SLC4A9: variants seen among roughly 807,000 people sequenced by gnomAD.
The protein encoded by SLC4A9 is solute carrier family 4 member 9, also known as anion exchange protein 4.
SLC4A9 carries 102 observed loss-of-function variants against 103.2 expected under a neutral mutation model. The observed-to-expected ratio is 0.99, with a 90% CI of 0.84 to 1.17. The LOEUF is 1.17. Ranked by LOEUF, SLC4A9 falls within the 50% of genes most tolerant of loss-of-function variation. SLC4A9 has a pLI of 0.00. For missense variants in SLC4A9, 1,091 were observed against 1,193.7 expected (o/e 0.91, Z 1.27); for synonymous variants, 453 against 483.6 (o/e 0.94, Z 0.83).
Position 140,361,868 on chromosome 5 carries a change from G to C in SLC4A9, c.561+5G>C, listed in dbSNP as rs1250163801. The C allele has an allele frequency of 6.2e-7, 1 of 1,613,792 alleles. No homozygotes were observed. Among genetic ancestry groups the C allele is most frequent in the East Asian group, 2.2e-5 (1 of 44,872 alleles). On this transcript the variant is annotated splice_donor_5th_base_variant and intron_variant, in intron 4 of 21. Coordinates refer to ENST00000506757, the MANE Select transcript of SLC4A9 (RefSeq NM_031467.3). ...GAAGCCCCCCTGAGGGAACAGGTTT[G>C]TGGCCCTTCCTTGGGGTCCCTTTCC...
rs1767045142 is a variant in SLC4A9 at position 140,361,309 on chromosome 5, C to G, written c.447C>G (p.Ala149=). Residue 149 remains alanine (A), a synonymous_variant, in exon 3 of 22, where the codon GCC becomes GCG. Transcript: ENST00000506757. ...CAGAGCTGAGAGGGCAGTTGCAGGC[C>G]TTGCTGCTGCAGAGACCCCAGCATT... ...LSPELRGQLQ[A]LLLQRPQHYN... 1 of 1,570,788 alleles carries G rather than the reference C, an allele frequency of 6.4e-7. No individual in the cohort carries two copies. Among genetic ancestry groups the G allele is most frequent in the Non-Finnish European group, 8.6e-7 (1 of 1,157,964 alleles).
rs1464627543 is a variant in SLC4A9 at position 140,363,523 on chromosome 5, C to T, written c.1047C>T (p.His349=). 1.9e-6 allele frequency: 3 copies of T among 1,552,556 alleles called. No homozygotes were observed. The highest frequency in any genetic ancestry group is 2.4e-5 in the East Asian group (1 of 40,996). The change falls in exon 8 of 22, where the codon CAC becomes CAT. Residue 349 remains histidine (H), a synonymous_variant. Coordinates refer to ENST00000506757, the MANE Select transcript of SLC4A9 (RefSeq NM_031467.3). This position sits in a 1 kb window ranked among gnomAD's most constrained non-coding sequence, Gnocchi z 4.5. ...SAEDRHRHGP[H]AHSPELQRTG... ...AGGACAGGCACCGCCATGGGCCACA[C>T]GCACACAGCCCGGAGTTGCAGCGGA...
intron 17 of SLC4A9, among the ~76,000 whole-genome samples, chr5:140,370,191 C>T (rs747468717): frequency 2.0e-5 from 3 of 150,890 alleles, no homozygotes; most frequent in Non-Finnish European, 3.0e-5. Flanking sequence ...AAGCCAGGCA[C>T]GGTGGCTCAC....
chr5:140,366,214 G>A lies in SLC4A9; in HGVS notation c.1963G>A (p.Ala655Thr). ...CATCCTGCTCGGCTGTGGCCTTGAT[G>A]CTTTCCTGGGCCTAGCCACACCAAA... ...LAILLGCGLD[A>T]FLGLATPKLM... is the part of the protein sequence containing the mutation. Residue 655 changes from alanine (A) to threonine (T), a missense_variant, in exon 14 of 22, where the codon GCT (alanine) becomes ACT (threonine). Transcript: ENST00000506757. 1 of 1,608,024 alleles carries A rather than the reference G, an allele frequency of 6.2e-7. No homozygotes were observed. The highest frequency in any genetic ancestry group is 2.2e-5 in the East Asian group (1 of 44,722).
chr5:140,361,492 C>A lies in SLC4A9; in HGVS notation c.505+125C>A, dbSNP rs1221544875. 6 of 744,466 alleles carry A rather than the reference C, an allele frequency of 8.1e-6. No homozygotes were observed. The Admixed American group carries it at 8.7e-5, about 11-fold the overall frequency. The allele number at this position is 744,466 out of a possible 1,614,324, so 46.1% of individuals were successfully genotyped here. ...CAGGCTCCAACCCAGGACTCATGAG[C>A]AAGAGGAAACTGGTGGTAATGTTGT... On this transcript the variant is annotated intron_variant, in intron 3 of 21. Transcript: ENST00000506757.
chr5:140,372,597 G>T, intron 20 of SLC4A9, 148 bp from the exon 21 acceptor site: 1 of 1,439,200 alleles, frequency 6.9e-7, no homozygotes, highest in Non-Finnish European at 9.1e-7. Context: ...CTCGATGTGG[G>T]TGGAAAGGGC....
Position 140,363,826 on chromosome 5 carries a change from T to G in SLC4A9, c.1178T>G (p.Leu393Arg). 6.2e-7 allele frequency: 1 copy of G among 1,613,978 alleles called. No homozygotes were observed. Among genetic ancestry groups the G allele is most frequent in the Non-Finnish European group, 8.5e-7 (1 of 1,179,868 alleles). Residue 393 changes from leucine to arginine, a missense_variant, in exon 9 of 22, where the codon CTC becomes CGC. Coordinates refer to ENST00000506757, the MANE Select transcript of SLC4A9 (RefSeq NM_031467.3). The surrounding 1 kb of genome is among the most constrained non-coding windows in gnomAD (Gnocchi z 4.5). ...CATCTCCAGTGCTTCTCGGCCGTAC[T>G]CTACATTTACCTGGCCACTGTCACT... The part of the protein sequence containing the change: ...ALHLQCFSAV[L>R]YIYLATVTNA...
chr5:140,374,370 G>T (rs1769181084), intron 21 of SLC4A9, among the ~76,000 whole-genome samples: 1 of 151,802 alleles, frequency 6.6e-6, no homozygotes, highest in African/African-American at 2.4e-5. Flanking sequence ...GATCAGCCTG[G>T]CCAACATGGT....
chr5:140,366,295 A>G, intron 14 of SLC4A9, 31 bp downstream of exon 14: 1 of 1,502,238 alleles, frequency 6.7e-7, no homozygotes, highest in Non-Finnish European at 9.1e-7. Flanking sequence ...TTGGGGGACC[A>G]GAGGGGAAAG....
At position 140,363,071 on chromosome 5, in the gene SLC4A9, C is replaced by G. The variant is rs934124703; in HGVS notation, c.962+5C>G. 1.7e-5 allele frequency: 27 copies of G among 1,612,742 alleles called. No homozygotes were observed. The highest frequency in any genetic ancestry group is 2.3e-5 in the Non-Finnish European group (27 of 1,179,614). ...TCTGCCATCTCAGCACAAAAGGTAC[C>G]TGGGAGCCATCATCCCATACAGATT... On this transcript the variant is annotated splice_donor_5th_base_variant and intron_variant, in intron 7 of 21. Transcript: ENST00000506757. This position sits in a 1 kb window ranked among gnomAD's most constrained non-coding sequence, Gnocchi z 4.5.
At chr5:140,373,723 T>C (rs999012164) in intron 21 of SLC4A9, among the ~76,000 whole-genome samples, 1 of 152,134 alleles carries the variant, frequency 6.6e-6, no homozygotes. Context: ...AGCTGTAGTG[T>C]GCAATAATCA....
intron 11 of SLC4A9, among the ~76,000 whole-genome samples, chr5:140,364,834 A>G (rs1346696723): frequency 6.6e-6 from 1 of 152,260 alleles, no homozygotes; most frequent in Non-Finnish European, 1.5e-5. Context: ...GACAACACTG[A>G]TAAAGGAACA....
At position 140,372,740 on chromosome 5, in the gene SLC4A9, C is replaced by A; in HGVS notation, c.2827-5C>A. 6.4e-7 allele frequency: 1 copy of A among 1,572,922 alleles called. No individual in the cohort carries two copies. Among genetic ancestry groups the A allele is most frequent in the East Asian group, 2.3e-5 (1 of 43,638 alleles). On this transcript the variant is annotated splice_region_variant and splice_polypyrimidine_tract_variant and intron_variant, in intron 20 of 21. Transcript: ENST00000506757. ...TCAATCCATCTTGGGATCTGTCTTCCACAGTCAGAGCTGATGTATCAGCCA... is the reference window on the plus strand; with the variant it reads ...TCAATCCATCTTGGGATCTGTCTTCAACAGTCAGAGCTGATGTATCAGCCA...
At position 140,372,802 on chromosome 5, in the gene SLC4A9, G is replaced by T; in HGVS notation, c.*4G>T. 6.4e-7 allele frequency: 1 copy of T among 1,565,004 alleles called. No homozygotes were observed. Among genetic ancestry groups the T allele is most frequent in the South Asian group, 1.2e-5 (1 of 84,718 alleles). The stretch of plus-strand genomic sequence containing the variant: ...AATCAACATTTCTGTGAATTAGCTG[G>T]AGTAGGAGTCTGGGAGTGGAGACCC... On this transcript the variant is annotated 3_prime_UTR_variant, in exon 21 of 22. Coordinates refer to ENST00000506757, the MANE Select transcript of SLC4A9 (RefSeq NM_031467.3).
Position 140,364,599 on chromosome 5 carries a change from G to A in SLC4A9, c.1625G>A (p.Cys542Tyr). The A allele has an allele frequency of 6.2e-7, 1 of 1,601,388 alleles. No homozygotes were observed. The highest frequency in any genetic ancestry group is 1.1e-5 in the South Asian group (1 of 88,958). The part of the protein sequence containing the change: ...IQKPGSSAYG[C>Y]LCQYPGPGGN... Reference sequence around the variant, plus strand: ...AAGCCTGGGTCCTCTGCCTACGGGTGCCTCTGCCAATACCCAGGCCCAGGA... The same window carrying A: ...AAGCCTGGGTCCTCTGCCTACGGGTACCTCTGCCAATACCCAGGCCCAGGA... Residue 542 changes from cysteine (C) to tyrosine (Y), a missense_variant, in exon 11 of 22, where the codon TGC becomes TAC. Cys to Tyr is a radical substitution (Grantham distance 194, BLOSUM62 -2). Transcript: ENST00000506757.
chr5:140,374,601 A>G (rs1255190361), intron 21 of SLC4A9, among the ~76,000 whole-genome samples: 1 of 151,086 alleles, frequency 6.6e-6, no homozygotes, highest in Non-Finnish European at 1.5e-5. Flanking sequence ...TGACACTTGC[A>G]ATGGGAAATT....
chr5:140,367,542 C>G lies in SLC4A9; in HGVS notation c.2136C>G (p.Ile712Met). ...LSILIFMDQQ[I>M]TAVILNRMEY... ...TCCTCATCTTCATGGACCAACAGAT[C>G]ACAGCAGTCATCCTCAACCGCATGG... The change falls in exon 15 of 22, where the codon ATC (isoleucine) becomes ATG (methionine). Residue 712 changes from isoleucine (I) to methionine (M), a missense_variant. Physicochemically the swap from Ile to Met is conservative, Grantham distance 10. Transcript: ENST00000506757. 1.2e-6 allele frequency: 2 copies of G among 1,603,518 alleles called. No homozygotes were observed. Among genetic ancestry groups the G allele is most frequent in the Non-Finnish European group, 1.7e-6 (2 of 1,175,222 alleles).
At chr5:140,366,350 C>G in intron 14 of SLC4A9, 86 bp downstream of exon 14, 1 of 854,508 alleles carries the variant, frequency 1.2e-6, no homozygotes, top group Non-Finnish European at 1.8e-6. Context: ...AAATCCCACA[C>G]TTCTCTAAGC....
intron 11 of SLC4A9, 142 bp from the exon 12 acceptor site, chr5:140,365,378 C>G: frequency 1.5e-6 from 1 of 681,616 alleles, no homozygotes; most frequent in Non-Finnish European, 2.6e-6. Flanking sequence ...TTCTCGCACA[C>G]TTGGTAGTGA....
Sources: gnomAD v4.1 joint callset for allele counts (sites outside exome capture counted in the v4.1 genomes callset) on GRCh38, gnomAD v4.1.1 for gene constraint, Gnocchi (gnomAD v3.1) non-coding constraint, MANE v1.5 for transcripts, NCBI Gene and HGNC (gene_info 2026-07-23, HGNC 2026-07-21) for gene names.